The following GSDME variants were observed in gnomAD, a reference collection of about 807,000 sequenced individuals.
The protein encoded by GSDME is gasdermin E.
GSDME carries 44 observed loss-of-function variants against 47.5 expected under a neutral mutation model. The ratio of observed to expected loss-of-function variants is 0.93; its 90% CI spans 0.73 to 1.19. The LOEUF (loss-of-function observed/expected upper bound fraction) is 1.19, where lower values mean the gene tolerates loss of function less well. Ranked by LOEUF, GSDME falls within the 50% of genes most tolerant of loss-of-function variation. The probability of loss-of-function intolerance (pLI) is 0.00; values close to 1 mark genes in which losing one functional copy is unlikely to be tolerated. For missense variants in GSDME, 663 were observed against 604.2 expected (o/e 1.10, Z -1.02); for synonymous variants, 258 against 252.8 (o/e 1.02, Z -0.20).
At chr7:24,715,520 C>T (rs1384717429) in intron 5 of GSDME, 3 of 470,552 alleles carry the variant, frequency 6.4e-6, no homozygotes. Flanking sequence ...GTGACACATT[C>T]ACCACTGGCC....
rs143693180 is a variant in GSDME, at chr7:24,709,281, G to A, written c.862+943C>T. On this transcript the variant is annotated intron_variant, in intron 6 of 9. Coordinates refer to ENST00000645220, the MANE Select transcript of GSDME (RefSeq NM_001127453.2). ...GCAGGACAGAAGGAAGCTGCAGCAC[G>A]GGACTGCCTTCTGCTACCCAGTGGC... 1.6e-3 allele frequency among the ~76,000 whole-genome samples: 249 copies of A among 152,274 alleles called. 1 individual carries two copies. Among genetic ancestry groups the A allele is most frequent in the African/African-American group, 5.8e-3 (240 of 41,552 alleles).
rs192961753 is a variant in GSDME at position 24,737,889 on chromosome 7, T to C, written c.404+6673A>G. Among the ~76,000 whole-genome samples the C allele has an allele frequency of 2.1e-3, 323 of 152,248 alleles. 1 individual carries two copies. The highest frequency in any genetic ancestry group is 7.5e-3 in the African/African-American group (313 of 41,556). ...CAACAAAATGAAGAACAAAAACCAT[T>C]TGATTATTTCAACTGATGCTGAAAA... On this transcript the variant is annotated intron_variant, in intron 3 of 9. Coordinates refer to ENST00000645220, the MANE Select transcript of GSDME (RefSeq NM_001127453.2).
chr7:24,708,682 C>T (rs1789224080), intron 6 of GSDME, among the ~76,000 whole-genome samples: 1 of 152,188 alleles, frequency 6.6e-6, no homozygotes, highest in Admixed American at 6.5e-5. Flanking sequence ...TTTTCACGTC[C>T]TTTCTTGTAG....
chr7:24,753,554 G>C (rs1790922807), intron 1 of GSDME, among the ~76,000 whole-genome samples: 1 of 152,128 alleles, frequency 6.6e-6, no homozygotes, highest in East Asian at 1.9e-4. Flanking sequence ...TAGAACAATG[G>C]GTAAATGCAT....
At chr7:24,730,764 G>A (rs1276581032) in intron 3 of GSDME, among the ~76,000 whole-genome samples, 1 of 152,188 alleles carries the variant, frequency 6.6e-6, no homozygotes, top group Non-Finnish European at 1.5e-5. Flanking sequence ...GCAGTGAGCT[G>A]AGATCGCACC....
chr7:24,699,312 C>T, intron 9 of GSDME, 53 bp from the exon 10 acceptor site: 1 of 1,347,036 alleles, frequency 7.4e-7, no homozygotes, highest in Non-Finnish European at 1.1e-6. Flanking sequence ...AAAAAATCCA[C>T]ATTGGATAGT....
chr7:24,774,446 C>T, the GSDME span, among the ~76,000 whole-genome samples: 5 of 151,556 alleles, frequency 3.3e-5, no homozygotes, highest in Admixed American at 6.6e-5. Flanking sequence ...CAATTTTGTG[C>T]CACGTCTGGC....
chr7:24,795,430 G>A, the GSDME span, among the ~76,000 whole-genome samples: 2 of 152,056 alleles, frequency 1.3e-5, no homozygotes, highest in African/African-American at 2.4e-5. Flanking sequence ...CAGGAGCATC[G>A]GCAGACTTAC....
Position 24,710,277 on chromosome 7 carries a change from T to G in GSDME, c.809A>C (p.Asp270Ala), listed in dbSNP as rs1312965228. ...FREFAFIDMP[D>A]AAHGISSQDG... ...CTGGGAAGATATCCCATGCGCAGCA[T>G]CTGGCATGTCTATGAATGCAAACTC... is the stretch of plus-strand genomic sequence containing the variant. Residue 270 changes from aspartate (D) to alanine (A), a missense_variant, in exon 6 of 10, where the codon GAT (aspartate) becomes GCT (alanine). Coordinates refer to ENST00000645220, the MANE Select transcript of GSDME (RefSeq NM_001127453.2). The G allele has an allele frequency of 1.2e-6, 2 of 1,614,216 alleles. No homozygotes were observed. Among genetic ancestry groups the G allele is most frequent in the South Asian group, 2.2e-5 (2 of 91,082 alleles).
At position 24,736,646 on chromosome 7, in the gene GSDME, A is replaced by G. The variant is rs116997662; in HGVS notation, c.404+7916T>C. Among the ~76,000 whole-genome samples the G allele has an allele frequency of 0.013, 1,991 of 152,320 alleles. 23 individuals carry two copies. Among genetic ancestry groups the G allele is most frequent in the Non-Finnish European group, 0.02 (1,383 of 68,004 alleles). ...AAAATCAACATCAGACTTAATCTGC[A>G]CTACAGACCAAACAGACCCAATAGA... is the stretch of plus-strand genomic sequence containing the variant. On this transcript the variant is annotated intron_variant, in intron 3 of 9. Transcript: ENST00000645220. The surrounding 1 kb of genome is among the most constrained non-coding windows in gnomAD (Gnocchi z 4.6).
In GSDME at chr7:24,739,740, G is replaced by C. The variant is rs1360537000; in HGVS notation, c.404+4822C>G. ...TTTGGAAACAACCTAATCCTCAATA[G>C]ATGAATAAAGAAAATGTGGTAAATA... On this transcript the variant is annotated intron_variant, in intron 3 of 9. Transcript: ENST00000645220. The surrounding 1 kb of genome is among the most constrained non-coding windows in gnomAD (Gnocchi z 5.1). Among the ~76,000 whole-genome samples, 1 of 152,118 alleles carries C rather than the reference G, an allele frequency of 6.6e-6. No individual in the cohort carries two copies. Among genetic ancestry groups the C allele is most frequent in the Non-Finnish European group, 1.5e-5 (1 of 68,020 alleles).
chr7:24,743,107 C>T (rs1054688306), intron 3 of GSDME, among the ~76,000 whole-genome samples: 1 of 152,204 alleles, frequency 6.6e-6, no homozygotes, highest in African/African-American at 2.4e-5. Flanking sequence ...TTCCAGTAAG[C>T]ATGGGCAGTT....
the GSDME span, among the ~76,000 whole-genome samples, chr7:24,772,851 T>A: frequency 4.1e-4 from 63 of 152,220 alleles, no homozygotes; most frequent in Non-Finnish European, 6.3e-4. The surrounding 1 kb of genome is among the most constrained non-coding windows in gnomAD (Gnocchi z 4.5). Context: ...TGTGCGCTAA[T>A]ATATCTTTTA....
At chr7:24,774,677 C>T in the GSDME span, among the ~76,000 whole-genome samples, 5 of 151,986 alleles carry the variant, frequency 3.3e-5, no homozygotes, top group African/African-American at 9.7e-5. Flanking sequence ...GGATTACAGG[C>T]GCATGCCACC....
At position 24,702,895 on chromosome 7, in the gene GSDME, C is replaced by T. The variant is rs10267660; in HGVS notation, c.1184-62G>A. The T allele has an allele frequency of 4.8e-3, 6,749 of 1,412,226 alleles. 308 individuals are homozygous for T. The African/African-American group carries it at 0.085, about 18-fold the overall frequency. The allele number at this position is 1,412,226 out of a possible 1,614,324, so 87.5% of individuals were successfully genotyped here. On this transcript the variant is annotated intron_variant, in intron 8 of 9. Coordinates refer to ENST00000645220, the MANE Select transcript of GSDME (RefSeq NM_001127453.2). ...AACAAGTCCATGGGAACAGAGCCAGCCCCTGGATGGCACCTAACTTATATT... is the reference window on the plus strand; with the variant it reads ...AACAAGTCCATGGGAACAGAGCCAGTCCCTGGATGGCACCTAACTTATATT...
the GSDME span, among the ~76,000 whole-genome samples, chr7:24,765,265 G>C: frequency 0.13 from 19,976 of 152,126 alleles, 1,399 homozygotes; most frequent in Middle Eastern, 0.2. Context: ...TTTAAATGTC[G>C]ATACGGATCC....
chr7:24,751,268 A>T (rs1448982417), intron 1 of GSDME, among the ~76,000 whole-genome samples: 1 of 149,442 alleles, frequency 6.7e-6, no homozygotes, highest in Non-Finnish European at 1.5e-5. Flanking sequence ...CGCATGTATA[A>T]TAAGTTACCA....
the GSDME span, among the ~76,000 whole-genome samples, chr7:24,792,816 C>T: frequency 6.6e-6 from 1 of 151,700 alleles, no homozygotes; most frequent in Admixed American, 6.6e-5. Flanking sequence ...TTTTTTCCAC[C>T]CTTTGATAAG....
In GSDME at chr7:24,742,488, C is replaced by T. The variant is rs572261929; in HGVS notation, c.404+2074G>A. Among the ~76,000 whole-genome samples, 1 of 152,324 alleles carries T rather than the reference C, an allele frequency of 6.6e-6. No homozygotes were observed. Among genetic ancestry groups the T allele is most frequent in the East Asian group, 1.9e-4 (1 of 5,182 alleles). On this transcript the variant is annotated intron_variant, in intron 3 of 9. Coordinates refer to ENST00000645220, the MANE Select transcript of GSDME (RefSeq NM_001127453.2). The surrounding 1 kb of genome is among the most constrained non-coding windows in gnomAD (Gnocchi z 4.4). ...TTCCCTCCCCCACTCCCTCTTCCTC[C>T]ACTCAGAACTGTTGGCTCTGGCTTC...
Sources: allele counts gnomAD v4.1 joint callset (sites outside exome capture counted in the v4.1 genomes callset), GRCh38; gene constraint gnomAD v4.1.1; non-coding constraint Gnocchi (gnomAD v3.1); transcripts MANE v1.5; gene names NCBI Gene and HGNC (gene_info 2026-07-23, HGNC 2026-07-21).